The following BMPR1A variants were observed in gnomAD, a reference collection of about 807,000 sequenced individuals.
BMPR1A encodes the protein bone morphogenetic protein receptor type 1A.
In BMPR1A, 7 loss-of-function variants were observed where a neutral mutation model predicts 66.0. That is an observed-to-expected ratio of 0.11 (90% confidence interval 0.06 to 0.20). The LOEUF (loss-of-function observed/expected upper bound fraction) is 0.20. BMPR1A is among the 10% of genes least tolerant of loss of function. The probability of loss-of-function intolerance (pLI) is 1.00; values close to 1 mark genes in which losing one functional copy is unlikely to be tolerated. For missense variants in BMPR1A, 408 were observed against 669.1 expected (o/e 0.61, Z 4.31); for synonymous variants, 200 against 229.7 (o/e 0.87, Z 1.17).
At chr10:86,804,152 TA>T (rs980227198) in intron 1 of BMPR1A, among the ~76,000 whole-genome samples, 2 of 152,212 alleles carry the variant, frequency 1.3e-5, no homozygotes, top group Non-Finnish European at 2.9e-5. Context: ...ATATCATCTT[TA>T]AATAATAATA....
chr10:86,871,802 CAAAA>C (rs35659562), intron 2 of BMPR1A, among the ~76,000 whole-genome samples: 1 of 123,866 alleles, frequency 8.1e-6, no homozygotes. Flanking sequence ...ACTCTGCCTC[CAAAA>C]AAAAAAAAAA....
intron 2 of BMPR1A, among the ~76,000 whole-genome samples, chr10:86,862,676 G>T (rs1842727687): frequency 6.6e-6 from 1 of 152,104 alleles, no homozygotes; most frequent in African/African-American, 2.4e-5. Flanking sequence ...GATTCTGCAG[G>T]TACAACCAGT....
At chr10:86,833,583 T>C (rs1174645404) in intron 1 of BMPR1A, among the ~76,000 whole-genome samples, 1 of 152,180 alleles carries the variant, frequency 6.6e-6, no homozygotes, top group Non-Finnish European at 1.5e-5. Flanking sequence ...GTGCTGCCAT[T>C]AGCCAAAAAG....
intron 1 of BMPR1A, among the ~76,000 whole-genome samples, chr10:86,777,907 G>C (rs1430057437): frequency 2.6e-5 from 4 of 152,022 alleles, no homozygotes; most frequent in Admixed American, 1.3e-4. Context: ...CATCTACCGG[G>C]GATGCTGAGG....
chr10:86,756,009 G>A (rs1847852201), upstream of BMPR1A: 1 of 152,286 alleles, frequency 6.6e-6, no homozygotes, highest in South Asian at 2.1e-4. Context: ...ATTTTTCTTT[G>A]TCGCAACTAC....
intron 1 of BMPR1A, among the ~76,000 whole-genome samples, chr10:86,801,268 A>C (rs1841807641): frequency 6.6e-6 from 1 of 152,024 alleles, no homozygotes; most frequent in African/African-American, 2.4e-5. Context: ...CAGCCTCCTG[A>C]GTAGTTGGTG....
chr10:86,768,023 C>G (rs1841196043), intron 1 of BMPR1A, among the ~76,000 whole-genome samples: 1 of 152,306 alleles, frequency 6.6e-6, no homozygotes, highest in South Asian at 2.1e-4. Context: ...TACACATGCC[C>G]CAAATTCGGA....
chr10:86,918,052 T>A (rs949083339), intron 9 of BMPR1A, among the ~76,000 whole-genome samples: 12 of 152,156 alleles, frequency 7.9e-5, no homozygotes, highest in African/African-American at 2.9e-4. Context: ...GGCTACTGGT[T>A]GGTGGCCAGG....
chr10:86,777,175 C>G (rs1841362861), intron 1 of BMPR1A, among the ~76,000 whole-genome samples: 2 of 152,326 alleles, frequency 1.3e-5, no homozygotes, highest in African/African-American at 4.8e-5. Flanking sequence ...CTTGCCCTCA[C>G]TTGCTTCATT....
chr10:86,825,607 A>G (rs1842182561), intron 1 of BMPR1A, among the ~76,000 whole-genome samples: 3 of 152,092 alleles, frequency 2.0e-5, no homozygotes, highest in East Asian at 1.9e-4. Context: ...CTCCTGAGTA[A>G]TTGGGACTGC....
intron 2 of BMPR1A, among the ~76,000 whole-genome samples, chr10:86,870,175 G>A (rs902167523): frequency 5.9e-5 from 9 of 152,070 alleles, no homozygotes; most frequent in Admixed American, 1.3e-4. Flanking sequence ...GAATATTACC[G>A]TTCTTTTAGC....
downstream of BMPR1A, chr10:86,931,298 C>CATATATATATATATATATATATAT (rs1175375580): frequency 6.6e-5 from 6 of 90,874 alleles, no homozygotes; most frequent in African/African-American, 2.8e-4. Flanking sequence ...CACACACACA[C>CATATATATATATATATATATATAT]ATATATATAT....
chr10:86,845,034 C>T (rs1042245315), intron 2 of BMPR1A, among the ~76,000 whole-genome samples: 10 of 152,228 alleles, frequency 6.6e-5, no homozygotes, highest in African/African-American at 1.2e-4. Flanking sequence ...CCTCAGCCTC[C>T]CAAAGTGAGC....
chr10:86,862,909 G>T (rs2133243132), intron 2 of BMPR1A, among the ~76,000 whole-genome samples: 1 of 151,888 alleles, frequency 6.6e-6, no homozygotes, highest in African/African-American at 2.4e-5. Flanking sequence ...GGCAAGGAAA[G>T]ATAAATAGTG....
At chr10:86,789,870 T>C (rs945768285) in intron 1 of BMPR1A, among the ~76,000 whole-genome samples, 10 of 150,946 alleles carry the variant, frequency 6.6e-5, no homozygotes, top group Non-Finnish European at 1.2e-4. Flanking sequence ...GAAATATAAA[T>C]CAAAGGCTGG....
chr10:86,798,700 T>C (rs569202838), intron 1 of BMPR1A, among the ~76,000 whole-genome samples: 2 of 152,384 alleles, frequency 1.3e-5, no homozygotes, highest in East Asian at 1.9e-4. Flanking sequence ...TTTCCAATTG[T>C]ATTGAGATTT....
chr10:86,822,149 C>T (rs1842129165), intron 1 of BMPR1A, among the ~76,000 whole-genome samples: 1 of 152,104 alleles, frequency 6.6e-6, no homozygotes, highest in South Asian at 2.1e-4. Flanking sequence ...TCTTGATCTA[C>T]ATTTTATTCA....
chr10:86,756,207 G>GCACC (rs1847857201), upstream of BMPR1A: 2 of 152,264 alleles, frequency 1.3e-5, no homozygotes, highest in East Asian at 3.9e-4. Flanking sequence ...GATGGCCGCA[G>GCACC]CGCCCGGCAG....
rs561222723 is a variant in BMPR1A, at chr10:86,828,359, G to C, written c.-267-10506G>C. On this transcript the variant is annotated intron_variant, in intron 1 of 12. Transcript: ENST00000372037. ...TGGGTAGAGGGTGATGCTGTTATTA[G>C]CAAGTGTGCATTCCAGGTAGCGGTT... 2.3e-3 allele frequency among the ~76,000 whole-genome samples: 344 copies of C among 152,236 alleles called. 3 individuals carry two copies. The highest frequency in any genetic ancestry group is 7.4e-3 in the African/African-American group (308 of 41,538).
Sources: allele counts gnomAD v4.1 joint callset (sites outside exome capture counted in the v4.1 genomes callset), GRCh38; gene constraint gnomAD v4.1.1; transcripts MANE v1.5; gene names NCBI Gene and HGNC (gene_info 2026-07-23, HGNC 2026-07-21).